The following EDN1 variants were observed in gnomAD, a reference collection of about 807,000 sequenced individuals.
EDN1 encodes the protein endothelin 1, also known as endothelin-1.
EDN1 carries 11 observed loss-of-function variants against 21.7 expected under a neutral mutation model. The observed-to-expected ratio is 0.51, with a 90% confidence interval of 0.32 to 0.84. The LOEUF is 0.84. Ranked by LOEUF, EDN1 falls within the 40% of genes least tolerant of loss-of-function variation. EDN1 has a pLI of 0.03. For synonymous variants in EDN1, 85 were observed against 90.6 expected, an observed-to-expected ratio of 0.94 and a Z score of 0.35; for missense variants, 244 against 262.3, an observed-to-expected ratio of 0.93 and a Z score of 0.48.
the EDN1 span, among the ~76,000 whole-genome samples, chr6:12,236,922 C>T: frequency 6.6e-6 from 1 of 151,534 alleles, no homozygotes; most frequent in Non-Finnish European, 1.5e-5. Context: ...GTGTGCTGCA[C>T]CCATTAACTC....
intron 4 of EDN1, among the ~76,000 whole-genome samples, chr6:12,294,858 A>G (rs1762781091): frequency 6.6e-6 from 1 of 152,062 alleles, no homozygotes; most frequent in Admixed American, 6.6e-5. Context: ...GGCCAAAGGA[A>G]AAATAAAGTC....
chr6:12,292,831 G>A (rs1247333451), intron 2 of EDN1, among the ~76,000 whole-genome samples: 1 of 152,174 alleles, frequency 6.6e-6, no homozygotes, highest in East Asian at 1.9e-4. Context: ...ATGGGGTTTC[G>A]GGAATAATTG....
chr6:12,255,136 A>C, the EDN1 span, among the ~76,000 whole-genome samples: 1 of 152,354 alleles, frequency 6.6e-6, no homozygotes, highest in African/African-American at 2.4e-5. Context: ...CTGTTTCAAA[A>C]AGCCAAATAA....
At chr6:12,294,468 T>C in intron 4 of EDN1, 64 bp downstream of exon 4, 2 of 1,592,314 alleles carry the variant, frequency 1.3e-6, no homozygotes, top group Non-Finnish European at 1.7e-6. Flanking sequence ...CAGTCAGTGA[T>C]GCCAGCAGCC....
At chr6:12,249,132 G>A in the EDN1 span, among the ~76,000 whole-genome samples, 38 of 152,286 alleles carry the variant, frequency 2.5e-4, no homozygotes, top group African/African-American at 8.7e-4. Flanking sequence ...TTTCGGGTGA[G>A]CCTCAGATTT....
Position 12,295,983 on chromosome 6 carries a change from C to A in EDN1, c.555C>A (p.Ser185Arg). Residue 185 changes from serine to arginine, a missense_variant, in exon 5 of 5, where the codon AGC becomes AGA. Physicochemically the swap from Ser to Arg is moderately radical, Grantham distance 110. Coordinates refer to ENST00000379375, the MANE Select transcript of EDN1 (RefSeq NM_001955.5). ...TTAGGTCGGAGACCATGAGAAACAGCGTCAAATCATCTTTTCATGATCCCA... is the reference window on the plus strand; with the variant it reads ...TTAGGTCGGAGACCATGAGAAACAGAGTCAAATCATCTTTTCATGATCCCA... Reference protein sequence around the residue: ...RQTRSETMRNSVKSSFHDPKL... With the variant: ...RQTRSETMRNRVKSSFHDPKL... The A allele has an allele frequency of 1.2e-6, 2 of 1,613,942 alleles. No individual in the cohort carries two copies. Among genetic ancestry groups the A allele is most frequent in the South Asian group, 1.1e-5 (1 of 91,078 alleles).
chr6:12,294,767 A>G (rs1371172866), intron 4 of EDN1, among the ~76,000 whole-genome samples: 2 of 152,152 alleles, frequency 1.3e-5, no homozygotes, highest in African/African-American at 4.8e-5. Context: ...ATCGAAAATC[A>G]TTTTGGGGAG....
the EDN1 span, among the ~76,000 whole-genome samples, chr6:12,253,248 G>C: frequency 1.3e-5 from 2 of 152,146 alleles, no homozygotes; most frequent in Non-Finnish European, 2.9e-5. Flanking sequence ...AAAAGGGAGA[G>C]AGAAGATACA....
chr6:12,256,469 C>A, the EDN1 span, among the ~76,000 whole-genome samples: 1 of 152,174 alleles, frequency 6.6e-6, no homozygotes, highest in Non-Finnish European at 1.5e-5. Flanking sequence ...CCCACCTCTA[C>A]CCTCCACAGT....
At chr6:12,239,425 G>T in the EDN1 span, among the ~76,000 whole-genome samples, 3 of 152,054 alleles carry the variant, frequency 2.0e-5, no homozygotes, top group Non-Finnish European at 2.9e-5. Flanking sequence ...AGCAGATACG[G>T]CCAAGTGACT....
At chr6:12,245,930 T>C in the EDN1 span, among the ~76,000 whole-genome samples, 1 of 152,192 alleles carries the variant, frequency 6.6e-6, no homozygotes, top group South Asian at 2.1e-4. Context: ...TTACTAGCTG[T>C]TTATAGGTAA....
the EDN1 span, among the ~76,000 whole-genome samples, chr6:12,238,604 G>A: frequency 7.2e-5 from 11 of 152,190 alleles, no homozygotes; most frequent in African/African-American, 1.4e-4. Context: ...AGCTGTCCTC[G>A]CTTAGAACCA....
chr6:12,265,771 T>C, the EDN1 span, among the ~76,000 whole-genome samples: 2 of 152,338 alleles, frequency 1.3e-5, no homozygotes, highest in South Asian at 2.1e-4. Context: ...AGTCCCATGG[T>C]AGTAACTCAT....
At chr6:12,277,054 T>C in the EDN1 span, among the ~76,000 whole-genome samples, 4,570 of 152,324 alleles carry the variant, frequency 0.03, 85 homozygotes, top group Middle Eastern at 0.058. Context: ...TGCTGGTTGT[T>C]GGTCTAATTC....
At chr6:12,250,995 CT>C in the EDN1 span, among the ~76,000 whole-genome samples, 3 of 152,156 alleles carry the variant, frequency 2.0e-5, no homozygotes, top group Admixed American at 2.0e-4. Flanking sequence ...TGATGCCATG[CT>C]TCCTGAGACT....
chr6:12,245,910 A>C, the EDN1 span, among the ~76,000 whole-genome samples: 1 of 152,208 alleles, frequency 6.6e-6, no homozygotes, highest in Non-Finnish European at 1.5e-5. Flanking sequence ...TTAAAATGTC[A>C]TGCCCATATT....
the EDN1 span, among the ~76,000 whole-genome samples, chr6:12,267,105 G>A: frequency 2.4e-3 from 367 of 152,168 alleles, 1 homozygote; most frequent in African/African-American, 8.3e-3. Context: ...ATTGCCCTTC[G>A]CAGATATTGT....
the EDN1 span, among the ~76,000 whole-genome samples, chr6:12,272,581 C>T: frequency 2.0e-4 from 31 of 151,432 alleles, no homozygotes; most frequent in Non-Finnish European, 2.4e-4. Context: ...CCTCAGCCTC[C>T]GGAGTAGCTG....
At chr6:12,294,896 C>T (rs188297431) in intron 4 of EDN1, among the ~76,000 whole-genome samples, 108 of 138,562 alleles carry the variant, frequency 7.8e-4, no homozygotes, top group Middle Eastern at 8.3e-3. Context: ...GAATTTAGAA[C>T]ATGCTGTTTT....
Sources: gnomAD v4.1 joint callset for allele counts (sites outside exome capture counted in the v4.1 genomes callset) on GRCh38, gnomAD v4.1.1 for gene constraint, MANE v1.5 for transcripts, NCBI Gene and HGNC (gene_info 2026-07-23, HGNC 2026-07-21) for gene names.